Variants in ARHGEF9 observed in about 807,000 individuals in gnomAD.
ARHGEF9 encodes the protein Cdc42 guanine nucleotide exchange factor 9.
Under a neutral mutation model 41.3 loss-of-function variants are expected in ARHGEF9, and 2 were observed. The ratio of observed to expected loss-of-function variants is 0.05; its 90% CI spans 0.02 to 0.15. ARHGEF9 has a LOEUF of 0.15. Ranked by LOEUF, ARHGEF9 falls within the 10% of genes least tolerant of loss-of-function variation. ARHGEF9 has a pLI of 1.00. For synonymous variants in ARHGEF9, 160 were observed against 154.4 expected (o/e 1.04, Z -0.27); for missense variants, 225 against 424.7 (o/e 0.53, Z 4.13).
At chrX:63,780,341 A>T in intron 1 of ARHGEF9, among the ~76,000 whole-genome samples, 1 of 111,243 alleles carries the variant, frequency 9.0e-6, no homozygotes, top group Non-Finnish European at 1.9e-5. Context: ...TGGTCATTCC[A>T]TCTGGAGAGA....
intron 4 of ARHGEF9, among the ~76,000 whole-genome samples, chrX:63,695,750 C>T (rs2051700033): frequency 1.8e-5 from 2 of 111,775 alleles, no homozygotes; most frequent in South Asian, 3.8e-4. Context: ...GTCCAGACTG[C>T]CTGTACAAAC....
At chrX:63,674,329 G>A (rs1469424972) in intron 5 of ARHGEF9, among the ~76,000 whole-genome samples, 162 bp from the exon 6 acceptor site, 1 of 112,116 alleles carries the variant, frequency 8.9e-6, no homozygotes, top group Non-Finnish European at 1.9e-5. Context: ...TCTATCTTTT[G>A]TTTCAGCAAA....
At chrX:63,639,641 C>T (rs782131273) in intron 9 of ARHGEF9, 11 of 111,729 alleles carry the variant, frequency 9.8e-5, no homozygotes, top group East Asian at 2.8e-4. Flanking sequence ...GAAATCAGTA[C>T]GTTGAAGAGA....
chrX:63,686,010 T>C (rs191820719), intron 4 of ARHGEF9, among the ~76,000 whole-genome samples: 1 of 111,737 alleles, frequency 8.9e-6, no homozygotes, highest in East Asian at 2.8e-4. Context: ...AGCAATCCCA[T>C]TACTGTGTAT....
intron 4 of ARHGEF9, among the ~76,000 whole-genome samples, chrX:63,682,431 C>T (rs1260433880): frequency 4.6e-5 from 5 of 109,534 alleles, no homozygotes; most frequent in Non-Finnish European, 9.5e-5. Flanking sequence ...AGGAGAATGG[C>T]GTGAACCCAG....
intron 1 of ARHGEF9, among the ~76,000 whole-genome samples, chrX:63,780,559 AC>A (rs1349231227): frequency 4.5e-5 from 5 of 111,810 alleles, no homozygotes; most frequent in African/African-American, 1.6e-4. Context: ...ATCACCTTGC[AC>A]CAGCAATTTT....
intron 3 of ARHGEF9, among the ~76,000 whole-genome samples, chrX:63,705,357 A>ATG (rs58549005): frequency 0.028 from 2,276 of 82,041 alleles, 26 homozygotes; most frequent in South Asian, 0.072. Flanking sequence ...ATAAGAGAGA[A>ATG]TGTGTGTGTG....
intron 5 of ARHGEF9, among the ~76,000 whole-genome samples, chrX:63,674,552 G>GA (rs1436316029): frequency 1.8e-5 from 2 of 111,672 alleles, no homozygotes; most frequent in Non-Finnish European, 3.8e-5. Context: ...CAGGGTGGGA[G>GA]ACTTTATCAG....
chrX:63,770,370 C>A (rs368610955), intron 1 of ARHGEF9, among the ~76,000 whole-genome samples: 5 of 112,429 alleles, frequency 4.4e-5, no homozygotes, highest in South Asian at 3.7e-4. Context: ...TGGCCAATTT[C>A]TCCCATTTAA....
chrX:63,665,207 A>G (rs1353959452), intron 7 of ARHGEF9, among the ~76,000 whole-genome samples: 9 of 112,296 alleles, frequency 8.0e-5, no homozygotes, highest in Non-Finnish European at 1.3e-4. Context: ...CGCTTAGAAC[A>G]TATGCTACCC....
intron 3 of ARHGEF9, among the ~76,000 whole-genome samples, chrX:63,703,728 CAGAT>C (rs1314818382): frequency 4.5e-5 from 5 of 111,218 alleles, no homozygotes; most frequent in Non-Finnish European, 9.4e-5. Context: ...TATAATATGT[CAGAT>C]AGATAAATGT....
chrX:63,779,354 C>T (rs2056344294), intron 1 of ARHGEF9, among the ~76,000 whole-genome samples: 1 of 112,293 alleles, frequency 8.9e-6, no homozygotes, highest in Non-Finnish European at 1.9e-5. Flanking sequence ...GGGGAGGCCT[C>T]ACGATCACGG....
At chrX:63,770,066 C>A (rs2056178429) in intron 1 of ARHGEF9, among the ~76,000 whole-genome samples, 1 of 111,877 alleles carries the variant, frequency 8.9e-6, no homozygotes, top group South Asian at 3.8e-4. Flanking sequence ...AAAAAAGCTG[C>A]AAACACTCAA....
intron 8 of ARHGEF9, among the ~76,000 whole-genome samples, chrX:63,650,686 G>A (rs1569435381): frequency 9.0e-6 from 1 of 110,921 alleles, no homozygotes; most frequent in Non-Finnish European, 1.9e-5. Flanking sequence ...GAGCATTTGA[G>A]GTGATGAATA....
intron 1 of ARHGEF9, among the ~76,000 whole-genome samples, chrX:63,745,420 C>T (rs1556432478): frequency 9.0e-6 from 1 of 111,117 alleles, no homozygotes; most frequent in Non-Finnish European, 1.9e-5. Context: ...GCTCCCTCTC[C>T]AGGAGGTTAT....
intron 3 of ARHGEF9, among the ~76,000 whole-genome samples, chrX:63,700,132 C>A (rs1298413566): frequency 2.7e-5 from 3 of 112,040 alleles, no homozygotes; most frequent in Admixed American, 9.5e-5. Flanking sequence ...CCAATGTCTT[C>A]TCAAGATCTC....
chrX:63,750,596 C>A, intron 1 of ARHGEF9, among the ~76,000 whole-genome samples: 1 of 111,777 alleles, frequency 8.9e-6, no homozygotes, highest in Middle Eastern at 4.6e-3. Flanking sequence ...CAGATGGAGG[C>A]TGTCTCAATG....
At chrX:63,720,914 T>A (rs1436003793) in intron 2 of ARHGEF9, among the ~76,000 whole-genome samples, 3 of 112,222 alleles carry the variant, frequency 2.7e-5, no homozygotes. Context: ...CTGGCCCCTC[T>A]GGGCTTTCCT....
rs1602299604 is a variant in ARHGEF9 at position 63,665,916 on chromosome X, C to T, written c.1047G>A (p.Leu349=). ...YGRNQQRVFF[L]FDHQMVLCKK... is the part of the protein sequence containing the mutation. The stretch of plus-strand genomic sequence containing the variant: ...TGCAGAGGACCATCTGGTGGTCAAA[C>T]AGGAAGAAGACCCGCTGCTGGTTGC... Residue 349 remains leucine, a synonymous_variant, in exon 7 of 10, where the codon CTG becomes CTA. Transcript: ENST00000671741. 8.3e-7 allele frequency: 1 copy of T among 1,211,017 alleles called. No individual in the cohort carries two copies. The highest frequency in any genetic ancestry group is 3.0e-5 in the East Asian group (1 of 33,800).
Sources: allele counts gnomAD v4.1 joint callset (sites outside exome capture counted in the v4.1 genomes callset), GRCh38; gene constraint gnomAD v4.1.1; transcripts MANE v1.5; gene names NCBI Gene and HGNC (gene_info 2026-07-23, HGNC 2026-07-21).